The following SDK2 variants were observed in gnomAD, a reference collection of about 807,000 sequenced individuals.
SDK2 encodes sidekick cell adhesion molecule 2.
In SDK2, 105 loss-of-function variants were observed where a neutral mutation model predicts 253.9. The observed-to-expected ratio is 0.41, with a 90% confidence interval of 0.35 to 0.49. SDK2 has a LOEUF of 0.49. Ranked by LOEUF, SDK2 falls within the 20% of genes least tolerant of loss-of-function variation. The pLI is 0.06. For synonymous variants in SDK2, 1,249 were observed against 1,234.9 expected (o/e 1.01, Z -0.24); for missense variants, 2,608 against 3,003.0 (o/e 0.87, Z 3.07).
chr17:73,634,990 ATTT>A (rs375613000), intron 1 of SDK2, among the ~76,000 whole-genome samples: 1 of 143,502 alleles, frequency 7.0e-6, no homozygotes. Context: ...TCAGGTTTCT[ATTT>A]TTTTTTTTTT....
At chr17:73,500,276 CT>C (rs2063878016) in intron 2 of SDK2, among the ~76,000 whole-genome samples, 1 of 143,748 alleles carries the variant, frequency 7.0e-6, no homozygotes. Flanking sequence ...CTCCTCCATC[CT>C]TCTCCATCCT....
intron 1 of SDK2, among the ~76,000 whole-genome samples, chr17:73,588,207 CT>C (rs751404335): frequency 0.011 from 1,583 of 142,584 alleles, 33 homozygotes; most frequent in African/African-American, 0.038. Flanking sequence ...ACCCCCCCCC[CT>C]CCCCCGCCAT....
rs2063842466 is a variant in SDK2 at position 73,496,466 on chromosome 17, G to T, written c.224+10972C>A. Among the ~76,000 whole-genome samples the T allele has an allele frequency of 6.6e-6, 1 of 152,148 alleles. No individual in the cohort carries two copies. The highest frequency in any genetic ancestry group is 2.4e-5 in the African/African-American group (1 of 41,418). On this transcript the variant is annotated intron_variant, in intron 2 of 44. Transcript: ENST00000392650. The surrounding 1 kb of genome is among the most constrained non-coding windows in gnomAD (Gnocchi z 4.7). ...GGAGGACAGAGGTGGGCATGGGCAC[G>T]AGGGCATGAAAGAGCAGAGACCACG...
chr17:73,630,079 G>A (rs1041550033), intron 1 of SDK2, among the ~76,000 whole-genome samples: 4 of 152,122 alleles, frequency 2.6e-5, no homozygotes, highest in Admixed American at 6.5e-5. Context: ...TGCAGCAGCC[G>A]ACTCGGAGTC....
intron 1 of SDK2, among the ~76,000 whole-genome samples, chr17:73,549,561 G>A (rs763319028): frequency 6.6e-6 from 1 of 152,120 alleles, no homozygotes; most frequent in African/African-American, 2.4e-5. Flanking sequence ...TATGGGGGAA[G>A]TAGATGGGGC....
Position 73,455,826 on chromosome 17 carries a change from C to A in SDK2, c.479+80G>T. 1 of 1,446,926 alleles carries A rather than the reference C, an allele frequency of 6.9e-7. No homozygotes were observed. The highest frequency in any genetic ancestry group is 1.4e-5 in the South Asian group (1 of 73,992). 89.6% of individuals were successfully genotyped at this position (1,446,926 alleles called of 1,614,324 possible). ...CTGCACAAAGGCCCTCCTCCACACT[C>A]AAGGGAGACTTTATCTGGCCCCAAA... On this transcript the variant is annotated intron_variant, in intron 4 of 44. Transcript: ENST00000392650. This position sits in a 1 kb window ranked among gnomAD's most constrained non-coding sequence, Gnocchi z 5.0.
At chr17:73,366,929 C>T (rs2062690113) in intron 37 of SDK2, among the ~76,000 whole-genome samples, 1 of 152,196 alleles carries the variant, frequency 6.6e-6, no homozygotes, top group Non-Finnish European at 1.5e-5. Flanking sequence ...GCAGCCGGAG[C>T]ACTTTTCTCT....
rs544825494 is a variant in SDK2, at chr17:73,421,421, G to A, written c.2045+866C>T. On this transcript the variant is annotated intron_variant, in intron 15 of 44. Coordinates refer to ENST00000392650, the MANE Select transcript of SDK2 (RefSeq NM_001144952.2). ...GCTTTGCGCACGTGATTTGTATCACGGTTGTTCTGACCTCTCCCATGACAT... is the reference window on the plus strand; with the variant it reads ...GCTTTGCGCACGTGATTTGTATCACAGTTGTTCTGACCTCTCCCATGACAT... 7.0e-4 allele frequency among the ~76,000 whole-genome samples: 106 copies of A among 152,260 alleles called. 1 individual carries two copies. Among genetic ancestry groups the A allele is most frequent in the Middle Eastern group, 3.4e-3 (1 of 294 alleles).
At chr17:73,546,279 C>A (rs1159372590) in intron 1 of SDK2, among the ~76,000 whole-genome samples, 1 of 152,222 alleles carries the variant, frequency 6.6e-6, no homozygotes. Flanking sequence ...TCAATTAGTT[C>A]ATTAGCTGAC....
chr17:73,338,263 C>T lies in SDK2; in HGVS notation c.*324G>A. On this transcript the variant is annotated 3_prime_UTR_variant, in exon 45 of 45. Coordinates refer to ENST00000392650, the MANE Select transcript of SDK2 (RefSeq NM_001144952.2). This position sits in a 1 kb window ranked among gnomAD's most constrained non-coding sequence, Gnocchi z 5.0. The stretch of plus-strand genomic sequence containing the variant: ...GGCGGCCTCCAGTCCTTAGCCTCCG[C>T]TCCCTCTCTCTCTCCAGATGCCCGC... 1 of 490,166 alleles carries T rather than the reference C, an allele frequency of 2.0e-6. No individual in the cohort carries two copies. The highest frequency in any genetic ancestry group is 3.9e-6 in the Non-Finnish European group (1 of 255,650). 30.4% of individuals were successfully genotyped at this position (490,166 alleles called of 1,614,324 possible). A position where few individuals can be genotyped will look rare whatever the true frequency, so the allele number is the denominator to read the frequency against.
At chr17:73,424,533 CA>C (rs1397232253) in intron 12 of SDK2, among the ~76,000 whole-genome samples, 1 of 152,188 alleles carries the variant, frequency 6.6e-6, no homozygotes, top group Non-Finnish European at 1.5e-5. Context: ...ATCAGTGTGA[CA>C]AATTGACTAT....
intron 2 of SDK2, among the ~76,000 whole-genome samples, chr17:73,502,980 A>G (rs563261504): frequency 2.0e-5 from 3 of 152,378 alleles, no homozygotes; most frequent in African/African-American, 7.2e-5. Flanking sequence ...TCAAAGACAC[A>G]TACCTACAAA....
In SDK2 at chr17:73,641,755, A is replaced by AC. The variant is rs545096486; in HGVS notation, c.64+2269dup. Among the ~76,000 whole-genome samples, 96 of 152,008 alleles carry AC rather than the reference A, an allele frequency of 6.3e-4. 1 individual carries two copies. The highest frequency in any genetic ancestry group is 2.1e-3 in the African/African-American group (86 of 41,462). On this transcript the variant is annotated intron_variant, in intron 1 of 44. Transcript: ENST00000392650. ...AATGACAGTGCTAGTGGCTTCAGCTACCCCCCAAAGGATTAATGTCATGGC... is the reference window on the plus strand; with the variant it reads ...AATGACAGTGCTAGTGGCTTCAGCTACCCCCCCAAAGGATTAATGTCATGGC...
At chr17:73,387,212 G>A (rs1026608300) in intron 30 of SDK2, among the ~76,000 whole-genome samples, 1 of 152,108 alleles carries the variant, frequency 6.6e-6, no homozygotes, top group Admixed American at 6.6e-5. Flanking sequence ...CTCCCGCCTC[G>A]GCCTCCCAAA....
intron 1 of SDK2, among the ~76,000 whole-genome samples, chr17:73,592,181 T>C (rs569278193): frequency 8.9e-4 from 136 of 152,280 alleles, no homozygotes; most frequent in African/African-American, 3.0e-3. Flanking sequence ...AATCCACAAC[T>C]GGAAGAAAGC....
intron 1 of SDK2, among the ~76,000 whole-genome samples, chr17:73,634,281 T>G (rs1205022500): frequency 6.6e-6 from 1 of 152,204 alleles, no homozygotes; most frequent in Non-Finnish European, 1.5e-5. Context: ...TGAATGTGGG[T>G]ATCTTGGCCA....
In SDK2 at chr17:73,508,572, C is replaced by T. The variant is rs184706703; in HGVS notation, c.65-975G>A. 1.2e-4 allele frequency among the ~76,000 whole-genome samples: 19 copies of T among 152,372 alleles called. No homozygotes were observed. In the East Asian group the frequency reaches 3.3e-3, roughly 26 times the overall value. On this transcript the variant is annotated intron_variant, in intron 1 of 44. Transcript: ENST00000392650. ...CTGGTAACAATATCCACAAAGATGA[C>T]AGCACCTGCTCTGTTCCGGGCTGTT...
At position 73,447,517 on chromosome 17, in the gene SDK2, C is replaced by T; in HGVS notation, c.613+98G>A. On this transcript the variant is annotated intron_variant, in intron 5 of 44. Transcript: ENST00000392650. This position sits in a 1 kb window ranked among gnomAD's most constrained non-coding sequence, Gnocchi z 4.0. Reference sequence around the variant, plus strand: ...GCCGTCCCCTAGCTTCCCTGTCCCCCTCCTCTGCCACTCCATCTTCCCAAT... The same window carrying T: ...GCCGTCCCCTAGCTTCCCTGTCCCCTTCCTCTGCCACTCCATCTTCCCAAT... 1 of 1,498,514 alleles carries T rather than the reference C, an allele frequency of 6.7e-7. No homozygotes were observed. The highest frequency in any genetic ancestry group is 9.0e-7 in the Non-Finnish European group (1 of 1,108,484). The allele number at this position is 1,498,514 out of a possible 1,614,324, so 92.8% of individuals were successfully genotyped here.
intron 1 of SDK2, among the ~76,000 whole-genome samples, chr17:73,590,996 T>A (rs1466386437): frequency 6.6e-6 from 1 of 152,210 alleles, no homozygotes; most frequent in Non-Finnish European, 1.5e-5. Context: ...CTCGGCTCAC[T>A]GCAACCTCCA....
Sources: allele counts gnomAD v4.1 joint callset (sites outside exome capture counted in the v4.1 genomes callset), GRCh38; gene constraint gnomAD v4.1.1; non-coding constraint Gnocchi (gnomAD v3.1); transcripts MANE v1.5; gene names NCBI Gene and HGNC (gene_info 2026-07-23, HGNC 2026-07-21).